Variants in PNO1 observed in about 807,000 individuals in gnomAD.
The protein encoded by PNO1 is RNA-binding protein PNO1.
PNO1 carries 16 observed loss-of-function variants against 28.4 expected under a neutral mutation model. That is an observed-to-expected ratio of 0.56 (90% CI 0.38 to 0.85). The LOEUF is 0.85. PNO1 is among the 40% of genes least tolerant of loss of function. The probability of loss-of-function intolerance (pLI) is 0.00; values close to 1 mark genes in which losing one functional copy is unlikely to be tolerated. For missense variants in PNO1, 304 were observed against 312.2 expected (o/e 0.97, Z 0.20); for synonymous variants, 115 against 110.8 (o/e 1.04, Z -0.24).
At chr2:68,172,214 G>T (rs1435845000) in intron 5 of PNO1, among the ~76,000 whole-genome samples, 1 of 152,184 alleles carries the variant, frequency 6.6e-6, no homozygotes, top group Non-Finnish European at 1.5e-5. Context: ...ATCTGTAGGG[G>T]CAGCTGAGGA....
rs1271110254 is a variant in PNO1, at chr2:68,157,939, A to C, written c.5A>C (p.Glu2Ala). The stretch of plus-strand genomic sequence containing the variant: ...AGCGCTTTAAGATTTCCGGGGATGG[A>C]ATCCGAAATGGAAACGCAGAGCGCC... The part of the protein sequence containing the change: M[E>A]SEMETQSARA... Residue 2 changes from glutamate to alanine, a missense_variant, in exon 1 of 7, where the codon GAA (glutamate) becomes GCA (alanine). Glu to Ala is a moderately radical substitution (Grantham distance 107). Transcript: ENST00000263657. The C allele has an allele frequency of 4.3e-6, 7 of 1,613,880 alleles. No homozygotes were observed. The African/African-American group carries it at 5.3e-5, about 12-fold the overall frequency.
At position 68,157,964 on chromosome 2, in the gene PNO1, CA is replaced by C; in HGVS notation, c.31del (p.Arg11GlyfsTer59). 1.2e-6 allele frequency: 2 copies of C among 1,614,032 alleles called. No individual in the cohort carries two copies. Among genetic ancestry groups the C allele is most frequent in the Non-Finnish European group, 8.5e-7 (1 of 1,180,002 alleles). The stretch of plus-strand genomic sequence containing the variant: ...AATCCGAAATGGAAACGCAGAGCGC[CA>C]GGGCAGAGGAGGGCTTTACCCAGGT... MESEMETQSA[R>X]AEEGFTQVTR... is the part of the protein sequence containing the mutation. On this transcript the variant is annotated frameshift_variant, in exon 1 of 7. Transcript: ENST00000263657. LOFTEE classifies it high-confidence loss of function.
chr2:68,158,376 A>G lies in PNO1; in HGVS notation c.208-4A>G. 6 of 1,606,722 alleles carry G rather than the reference A, an allele frequency of 3.7e-6. No homozygotes were observed. Among genetic ancestry groups the G allele is most frequent in the East Asian group, 4.5e-5 (2 of 44,850 alleles). ...TTCTGAGTTGTGTGTTCTTTTATTT[A>G]CAGAGTGGGAAAGAAGAAACAAGGA... is the stretch of plus-strand genomic sequence containing the variant. On this transcript the variant is annotated splice_region_variant and splice_polypyrimidine_tract_variant and intron_variant, in intron 1 of 6. Coordinates refer to ENST00000263657, the MANE Select transcript of PNO1 (RefSeq NM_020143.4).
intron 5 of PNO1, among the ~76,000 whole-genome samples, chr2:68,170,257 A>G (rs1342871516): frequency 6.6e-6 from 1 of 152,224 alleles, no homozygotes; most frequent in Non-Finnish European, 1.5e-5. Flanking sequence ...GGTTCCAGGT[A>G]TGTTTAATAC....
intron 5 of PNO1, among the ~76,000 whole-genome samples, chr2:68,171,271 A>AT (rs1280629967): frequency 3.3e-5 from 5 of 152,336 alleles, no homozygotes; most frequent in African/African-American, 9.6e-5. Context: ...TGCATCTAAT[A>AT]TTTGAGAAAT....
chr2:68,173,302 T>G, intron 5 of PNO1, 45 bp from the exon 6 acceptor site: 1 of 1,151,188 alleles, frequency 8.7e-7, no homozygotes, highest in Non-Finnish European at 1.3e-6. Context: ...CAGGTGTGAG[T>G]CATTGCATCC....
chr2:68,158,571 T>C, intron 2 of PNO1, 42 bp downstream of exon 2: 1 of 1,555,504 alleles, frequency 6.4e-7, no homozygotes, highest in Non-Finnish European at 8.7e-7. Flanking sequence ...CCAGGCTTTC[T>C]CTCCTACAGA....
intron 5 of PNO1, among the ~76,000 whole-genome samples, chr2:68,169,536 TGTG>T (rs1674074741): frequency 6.6e-6 from 1 of 152,216 alleles, no homozygotes; most frequent in Non-Finnish European, 1.5e-5. Flanking sequence ...AGGTGGTGGC[TGTG>T]AAGTTGTCGT....
chr2:68,169,324 T>TG (rs1232348814), intron 5 of PNO1, among the ~76,000 whole-genome samples: 1 of 152,150 alleles, frequency 6.6e-6, no homozygotes, highest in East Asian at 1.9e-4. Flanking sequence ...CCACGTTGGG[T>TG]GGGTCCTATG....
In PNO1 at chr2:68,173,396, G is replaced by T; in HGVS notation, c.670G>T (p.Ala224Ser). Residue 224 changes from alanine (A) to serine (S), a missense_variant, in exon 6 of 7, where the codon GCC becomes TCC. By Grantham distance (99) the Ala-to-Ser change is moderately conservative. Coordinates refer to ENST00000263657, the MANE Select transcript of PNO1 (RefSeq NM_020143.4). ...SFQNIKMART[A>S]ICNLILGNPP... ...CCAAAATATCAAGATGGCAAGAACT[G>T]CCATTTGCAACCTAATCTTGGGTAA... 2 of 1,603,540 alleles carry T rather than the reference G, an allele frequency of 1.2e-6. No individual in the cohort carries two copies. Among genetic ancestry groups the T allele is most frequent in the Non-Finnish European group, 8.5e-7 (1 of 1,170,568 alleles).
chr2:68,161,800 T>G (rs1005036664), intron 3 of PNO1, 34 bp downstream of exon 3: 1 of 1,359,548 alleles, frequency 7.4e-7, no homozygotes, highest in Non-Finnish European at 1.0e-6. Flanking sequence ...AATGGGGACT[T>G]TAAAAATATT....
chr2:68,167,052 C>G (rs6756198), intron 5 of PNO1, among the ~76,000 whole-genome samples: 1 of 152,120 alleles, frequency 6.6e-6, no homozygotes, highest in African/African-American at 2.4e-5. Flanking sequence ...GAATTTATAG[C>G]TGCAGGCATG....
At chr2:68,162,231 A>C in intron 3 of PNO1, 34 bp from the exon 4 acceptor site, 1 of 1,536,802 alleles carries the variant, frequency 6.5e-7, no homozygotes, top group Non-Finnish European at 9.0e-7. Flanking sequence ...GTGCAAATGG[A>C]AGGGGCTTCA....
chr2:68,167,766 T>C (rs1349396446), intron 5 of PNO1, among the ~76,000 whole-genome samples: 1 of 152,244 alleles, frequency 6.6e-6, no homozygotes, highest in Non-Finnish European at 1.5e-5. Context: ...CTTCTCCTGT[T>C]ACCCTGACAT....
At chr2:68,171,257 C>T (rs933290498) in intron 5 of PNO1, among the ~76,000 whole-genome samples, 20 of 152,176 alleles carry the variant, frequency 1.3e-4, no homozygotes, top group Admixed American at 9.8e-4. Flanking sequence ...TTGATGTATT[C>T]GAATGCATCT....
chr2:68,174,894 G>A lies in PNO1; in HGVS notation c.*92G>A. The A allele has an allele frequency of 1.4e-6, 1 of 729,562 alleles. No individual in the cohort carries two copies. The highest frequency in any genetic ancestry group is 1.7e-5 in the South Asian group (1 of 58,838). The allele number at this position is 729,562 out of a possible 1,614,324, so 45.2% of individuals were successfully genotyped here. On this transcript the variant is annotated 3_prime_UTR_variant, in exon 7 of 7. Transcript: ENST00000263657. The stretch of plus-strand genomic sequence containing the variant: ...ACAAGAAACCAGCTGAACAATTTCA[G>A]TCATTTGAAGCCTCCGTCCCTTCTT...
rs1052426675 is a variant in PNO1 at position 68,162,266 on chromosome 2, AT to A, written c.444del (p.Asp148GlufsTer13). On this transcript the variant is annotated frameshift_variant and splice_region_variant, in exon 4 of 7. Transcript: ENST00000263657. LOFTEE classifies it high-confidence loss of function. Reference sequence around the variant, plus strand: ...ACGGTGTTTGTTTTTATATTATAGGATGCACTTGCCCTCATCAGGTTGGATG... The same window carrying A: ...ACGGTGTTTGTTTTTATATTATAGGAGCACTTGCCCTCATCAGGTTGGATG... Reference protein sequence around the residue: ...KAFILGFQVEDALALIRLDDL... With the variant: ...KAFILGFQVEXALALIRLDDL... 6.2e-7 allele frequency: 1 copy of A among 1,608,868 alleles called. No individual in the cohort carries two copies. The highest frequency in any genetic ancestry group is 1.3e-5 in the African/African-American group (1 of 74,672).
At chr2:68,169,895 T>C (rs948439286) in intron 5 of PNO1, among the ~76,000 whole-genome samples, 1 of 152,242 alleles carries the variant, frequency 6.6e-6, no homozygotes, top group African/African-American at 2.4e-5. Context: ...AGTTCAAACC[T>C]ATTATTCAAA....
intron 2 of PNO1, chr2:68,161,117 G>C: frequency 2.2e-6 from 1 of 452,408 alleles, no homozygotes; most frequent in South Asian, 1.6e-5. Flanking sequence ...GTTATTTACA[G>C]TGGTAGGCTT....
Sources: allele counts gnomAD v4.1 joint callset (sites outside exome capture counted in the v4.1 genomes callset), GRCh38; gene constraint gnomAD v4.1.1; transcripts MANE v1.5; gene names NCBI Gene and HGNC (gene_info 2026-07-23, HGNC 2026-07-21).